The following PTPRD variants were observed in gnomAD, a reference collection of about 807,000 sequenced individuals.
PTPRD encodes the protein protein tyrosine phosphatase receptor type D, also known as receptor-type tyrosine-protein phosphatase delta.
A neutral mutation model predicts 214.5 loss-of-function variants in PTPRD; 34 were observed. The observed-to-expected ratio is 0.16, with a 90% confidence interval of 0.12 to 0.21. PTPRD has a LOEUF of 0.21. PTPRD is among the 10% of genes least tolerant of loss of function. The probability of loss-of-function intolerance (pLI) is 1.00; values close to 1 mark genes in which losing one functional copy is unlikely to be tolerated. For missense variants in PTPRD, 2,545 were observed against 2,398.7 expected (o/e 1.06, Z -1.27); for synonymous variants, 1,128 against 845.7 (o/e 1.33, Z -5.79).
chr9:9,466,228 G>A (rs536196919), intron 8 of PTPRD, among the ~76,000 whole-genome samples: 1 of 152,026 alleles, frequency 6.6e-6, no homozygotes, highest in African/African-American at 2.4e-5. Flanking sequence ...AGGATTGCTT[G>A]GGCCTAGGAG....
chr9:9,296,365 T>C (rs1953042316), intron 9 of PTPRD, among the ~76,000 whole-genome samples: 3 of 151,754 alleles, frequency 2.0e-5, no homozygotes, highest in African/African-American at 7.2e-5. Flanking sequence ...AATTAAGAAG[T>C]AAGTTCAGAG....
At chr9:9,998,624 G>C (rs1021950507) in intron 4 of PTPRD, among the ~76,000 whole-genome samples, 1 of 151,886 alleles carries the variant, frequency 6.6e-6, no homozygotes, top group East Asian at 1.9e-4. Context: ...TCAACATAAT[G>C]TGGCAGGATC....
At chr9:9,986,892 C>A (rs1397306850) in intron 4 of PTPRD, among the ~76,000 whole-genome samples, 1 of 70,998 alleles carries the variant, frequency 1.4e-5, no homozygotes, top group Non-Finnish European at 3.4e-5. Flanking sequence ...GTGTAGATTT[C>A]ATATTTTTTT....
intron 5 of PTPRD, among the ~76,000 whole-genome samples, chr9:9,778,740 C>T (rs927876786): frequency 6.6e-6 from 1 of 152,104 alleles, no homozygotes; most frequent in Non-Finnish European, 1.5e-5. Flanking sequence ...TCCCCAAATA[C>T]AGCTGGAACC....
intron 8 of PTPRD, among the ~76,000 whole-genome samples, chr9:9,434,863 CT>C (rs2084598610): frequency 6.8e-6 from 1 of 148,144 alleles, no homozygotes; most frequent in South Asian, 2.1e-4. Flanking sequence ...AATATATAAT[CT>C]ATAATATATA....
At chr9:10,537,507 C>A (rs78351162) in intron 2 of PTPRD, among the ~76,000 whole-genome samples, 1,954 of 152,184 alleles carry the variant, frequency 0.013, 19 homozygotes, top group Non-Finnish European at 0.021. Flanking sequence ...TAAAAATTGT[C>A]AAAATTGAAA....
At chr9:8,417,849 G>T (rs2094055309) in intron 35 of PTPRD, among the ~76,000 whole-genome samples, 1 of 152,110 alleles carries the variant, frequency 6.6e-6, no homozygotes, top group African/African-American at 2.4e-5. Context: ...AACAGTAACT[G>T]TAATCCAAAT....
chr9:9,447,074 A>G (rs936151806), intron 8 of PTPRD, among the ~76,000 whole-genome samples: 3 of 152,168 alleles, frequency 2.0e-5, no homozygotes, highest in Admixed American at 2.0e-4. Context: ...TGGAAGTGTA[A>G]TTTAGTTCAA....
At chr9:10,326,183 A>G (rs2096639941) in intron 3 of PTPRD, among the ~76,000 whole-genome samples, 1 of 151,796 alleles carries the variant, frequency 6.6e-6, no homozygotes, top group Non-Finnish European at 1.5e-5. Context: ...AGTTTTAATA[A>G]GAAAAGCTAG....
chr9:10,581,393 G>C (rs1480271735), intron 2 of PTPRD, among the ~76,000 whole-genome samples: 1 of 152,112 alleles, frequency 6.6e-6, no homozygotes, highest in African/African-American at 2.4e-5. Context: ...TTTATAGACT[G>C]CTCATCTGTT....
At chr9:9,902,455 A>G (rs914038857) in intron 5 of PTPRD, among the ~76,000 whole-genome samples, 2 of 152,166 alleles carry the variant, frequency 1.3e-5, no homozygotes, top group Non-Finnish European at 2.9e-5. Context: ...ACCAATCACT[A>G]AAATGCAAGA....
At chr9:9,521,786 C>G (rs2154255244) in intron 8 of PTPRD, among the ~76,000 whole-genome samples, 1 of 152,238 alleles carries the variant, frequency 6.6e-6, no homozygotes. Context: ...CATTGCTATT[C>G]TGTGGTACTA....
At chr9:8,809,792 C>T (rs919449861) in intron 11 of PTPRD, among the ~76,000 whole-genome samples, 6 of 152,114 alleles carry the variant, frequency 3.9e-5, no homozygotes, top group African/African-American at 1.4e-4. Flanking sequence ...TTTGATATGA[C>T]GGGTGTGAGG....
At chr9:9,877,341 T>G (rs1213381884) in intron 5 of PTPRD, among the ~76,000 whole-genome samples, 1 of 152,154 alleles carries the variant, frequency 6.6e-6, no homozygotes, top group African/African-American at 2.4e-5. Context: ...TCCAATGTCA[T>G]GGGGAGGATA....
chr9:9,526,162 A>G (rs1402052805), intron 8 of PTPRD, among the ~76,000 whole-genome samples: 1 of 152,164 alleles, frequency 6.6e-6, no homozygotes, highest in African/African-American at 2.4e-5. Context: ...AGTTATGTTG[A>G]GTGTGTCATA....
intron 3 of PTPRD, among the ~76,000 whole-genome samples, chr9:10,091,598 T>C (rs908292758): frequency 6.6e-6 from 1 of 151,516 alleles, no homozygotes; most frequent in Non-Finnish European, 1.5e-5. Flanking sequence ...ATAATTGTTG[T>C]TTGGAATTGT....
intron 9 of PTPRD, among the ~76,000 whole-genome samples, chr9:9,258,090 G>GAGATAGATAGATAGATAGAT (rs71319208): frequency 2.1e-4 from 31 of 148,364 alleles, no homozygotes; most frequent in Middle Eastern, 3.5e-3. Flanking sequence ...TGAATGGATA[G>GAGATAGATAGATAGATAGAT]AGATAGATAG....
At chr9:8,593,232 G>T (rs913517705) in intron 14 of PTPRD, among the ~76,000 whole-genome samples, 4 of 152,160 alleles carry the variant, frequency 2.6e-5, no homozygotes, top group African/African-American at 9.7e-5. Context: ...CTTTATCTTT[G>T]TGAGGTCAAA....
intron 8 of PTPRD, among the ~76,000 whole-genome samples, chr9:9,540,863 C>G (rs945760836): frequency 1.3e-4 from 19 of 151,696 alleles, no homozygotes; most frequent in Admixed American, 6.6e-5. Flanking sequence ...ATTGGTTCCA[C>G]TTACCGCTGG....
Sources: gnomAD v4.1 joint callset for allele counts (sites outside exome capture counted in the v4.1 genomes callset) on GRCh38, gnomAD v4.1.1 for gene constraint, MANE v1.5 for transcripts, NCBI Gene and HGNC (gene_info 2026-07-23, HGNC 2026-07-21) for gene names.